Variants in ABTB3 observed in about 807,000 individuals in gnomAD.
ABTB3 encodes ankyrin repeat and BTB domain containing 3.
At chr12:107,463,125 GTGATGGTGA>G in the ABTB3 span, among the ~76,000 whole-genome samples, 11 of 150,862 alleles carry the variant, frequency 7.3e-5, no homozygotes, top group African/African-American at 2.2e-4. Flanking sequence ...GATGGTGGAA[GTGATGGTGA>G]TGATGGTGAT....
the ABTB3 span, among the ~76,000 whole-genome samples, chr12:107,371,427 A>T: frequency 6.6e-6 from 1 of 152,246 alleles, no homozygotes; most frequent in East Asian, 1.9e-4. Flanking sequence ...GGGGAGAAGT[A>T]TGGAGGTGGG....
the ABTB3 span, among the ~76,000 whole-genome samples, chr12:107,548,283 G>C: frequency 6.6e-6 from 1 of 152,124 alleles, no homozygotes; most frequent in African/African-American, 2.4e-5. Context: ...TGCTTATATG[G>C]TTTTCCTCTA....
the ABTB3 span, among the ~76,000 whole-genome samples, chr12:107,458,203 T>C: frequency 6.6e-6 from 1 of 152,336 alleles, no homozygotes; most frequent in South Asian, 2.1e-4. Flanking sequence ...GAGTGCCTAC[T>C]GTGTGCTAGG....
chr12:107,319,450 G>A, the ABTB3 span: 1 of 1,607,474 alleles, frequency 6.2e-7, no homozygotes. Context: ...AGATCGTGCT[G>A]TCCTGGGGCC....
the ABTB3 span, among the ~76,000 whole-genome samples, chr12:107,541,019 C>T: frequency 6.6e-6 from 1 of 152,084 alleles, no homozygotes; most frequent in Admixed American, 6.6e-5. Context: ...TGCTTGGAAT[C>T]TTGTCTTGAG....
the ABTB3 span, among the ~76,000 whole-genome samples, chr12:107,527,799 G>A: frequency 6.6e-6 from 1 of 152,106 alleles, no homozygotes; most frequent in Non-Finnish European, 1.5e-5. Context: ...GATTATATGT[G>A]GTCTTTTTTC....
chr12:107,562,340 A>G, the ABTB3 span, among the ~76,000 whole-genome samples: 9 of 152,250 alleles, frequency 5.9e-5, no homozygotes, highest in Admixed American at 1.3e-4. Flanking sequence ...TTTTAGGTAG[A>G]GTGGTCAGAG....
chr12:107,460,392 T>C, the ABTB3 span, among the ~76,000 whole-genome samples: 1 of 152,236 alleles, frequency 6.6e-6, no homozygotes, highest in Non-Finnish European at 1.5e-5. Flanking sequence ...TGGTGGCTCA[T>C]GCCTGTAATC....
At chr12:107,585,087 C>A in the ABTB3 span, among the ~76,000 whole-genome samples, 3 of 152,008 alleles carry the variant, frequency 2.0e-5, no homozygotes, top group East Asian at 5.8e-4. Context: ...TGAAACACTT[C>A]GGAAATATAC....
the ABTB3 span, among the ~76,000 whole-genome samples, chr12:107,498,037 G>A: frequency 6.6e-6 from 1 of 152,224 alleles, no homozygotes; most frequent in Non-Finnish European, 1.5e-5. Flanking sequence ...GCACCCTGGG[G>A]TGGAGGGCAG....
At chr12:107,415,044 A>G in the ABTB3 span, among the ~76,000 whole-genome samples, 2 of 151,690 alleles carry the variant, frequency 1.3e-5, no homozygotes, top group South Asian at 4.2e-4. Context: ...CGCAGACTAC[A>G]CTCCCACCTC....
At chr12:107,335,286 CAAAAAAAAAAAAAAAAA>C in the ABTB3 span, among the ~76,000 whole-genome samples, 41 of 18,644 alleles carry the variant, frequency 2.2e-3, no homozygotes, top group African/African-American at 5.0e-3. Context: ...GACCTTGTCT[CAAAAAAAAAAAAAAAAA>C]AAAAAAAAAA....
chr12:107,536,044 A>G, the ABTB3 span, among the ~76,000 whole-genome samples: 3 of 152,302 alleles, frequency 2.0e-5, no homozygotes, highest in African/African-American at 7.2e-5. Flanking sequence ...AAAAACAGAC[A>G]CATAGACCAA....
chr12:107,482,471 G>A, the ABTB3 span, among the ~76,000 whole-genome samples: 1 of 152,290 alleles, frequency 6.6e-6, no homozygotes, highest in South Asian at 2.1e-4. Context: ...AATAGGAGCA[G>A]GTGACTTGGA....
At chr12:107,625,354 G>T in the ABTB3 span, among the ~76,000 whole-genome samples, 1 of 152,112 alleles carries the variant, frequency 6.6e-6, no homozygotes, top group Non-Finnish European at 1.5e-5. Flanking sequence ...AGATCTTCTT[G>T]GTCCATGGTA....
At chr12:107,627,346 G>A in the ABTB3 span, among the ~76,000 whole-genome samples, 7 of 152,162 alleles carry the variant, frequency 4.6e-5, no homozygotes, top group Non-Finnish European at 1.0e-4. Context: ...GCCTGGACAC[G>A]GATCTAATGA....
the ABTB3 span, among the ~76,000 whole-genome samples, chr12:107,577,122 A>G: frequency 3.9e-5 from 6 of 152,208 alleles, no homozygotes; most frequent in African/African-American, 1.4e-4. Context: ...TCATTTGTGT[A>G]TCATCTGTGG....
the ABTB3 span, among the ~76,000 whole-genome samples, chr12:107,438,073 C>G: frequency 6.6e-6 from 1 of 152,122 alleles, no homozygotes; most frequent in Non-Finnish European, 1.5e-5. Context: ...GGGAGACCAT[C>G]TGAAGGTGAT....
At chr12:107,642,660 C>T in the ABTB3 span, among the ~76,000 whole-genome samples, 2 of 152,120 alleles carry the variant, frequency 1.3e-5, no homozygotes, top group Non-Finnish European at 2.9e-5. Flanking sequence ...ACAAAGAGAA[C>T]AGCATGTGCG....
Sources: gnomAD v4.1 joint callset for allele counts (sites outside exome capture counted in the v4.1 genomes callset) on GRCh38, gnomAD v4.1.1 for gene constraint, MANE v1.5 for transcripts, NCBI Gene and HGNC (gene_info 2026-07-23, HGNC 2026-07-21) for gene names.